DNAAF3: variants seen among roughly 807,000 people sequenced by gnomAD.
The protein encoded by DNAAF3 is UPF0470 protein C19orf51.
In DNAAF3, 40 loss-of-function variants were observed where a neutral mutation model predicts 50.9. The observed-to-expected ratio is 0.79, with a 90% CI of 0.61 to 1.02. The LOEUF (loss-of-function observed/expected upper bound fraction) is 1.02, where lower values mean the gene tolerates loss of function less well. Among genes scored for constraint, DNAAF3 ranks in the 50% least tolerant of loss-of-function variants. DNAAF3 has a pLI of 0.00. For missense variants in DNAAF3, 763 were observed against 744.7 expected (o/e 1.02, Z -0.29); for synonymous variants, 327 against 322.8 (o/e 1.01, Z -0.14).
Position 55,165,865 on chromosome 19 carries a change from C to A in DNAAF3, c.221G>T (p.Arg74Met), listed in dbSNP as rs1210449789. The change falls in exon 3 of 12, where the codon AGG (arginine) becomes ATG (methionine). Residue 74 changes from arginine to methionine, a missense_variant. Physicochemically the swap from Arg to Met is moderately conservative, Grantham distance 91 (BLOSUM62 -1). Transcript: ENST00000524407. Reference protein sequence around the residue: ...LSRAKFWPRRRFNFFVLENNL... With the variant: ...LSRAKFWPRRMFNFFVLENNL... ...ATCTTCATCCCAGCTCACGTTGAAC[C>A]TCCTGCGAGGCCAGAACTTCGCTCG... 6.2e-7 allele frequency: 1 copy of A among 1,614,058 alleles called. No individual in the cohort carries two copies. Among genetic ancestry groups the A allele is most frequent in the Non-Finnish European group, 8.5e-7 (1 of 1,179,996 alleles).
At position 55,159,046 on chromosome 19, in the gene DNAAF3, G is replaced by A; in HGVS notation, c.*16C>T. ...TGACTTTGGAAGTTGGAGATAAGGG[G>A]TGTCTAGGGGTTGGGTCAGACTCCA... On this transcript the variant is annotated 3_prime_UTR_variant, in exon 12 of 12. Coordinates refer to ENST00000524407, the MANE Select transcript of DNAAF3 (RefSeq NM_001256715.2). The A allele has an allele frequency of 2.6e-6, 4 of 1,555,144 alleles. No homozygotes were observed. The highest frequency in any genetic ancestry group is 2.0e-5 in the Admixed American group (1 of 49,962).
rs745788397 is a variant in DNAAF3 at position 55,159,331 on chromosome 19, G to A, written c.1357C>T (p.Arg453Cys). The A allele has an allele frequency of 8.7e-6, 14 of 1,614,148 alleles. No individual in the cohort carries two copies. The highest frequency in any genetic ancestry group is 2.7e-5 in the African/African-American group (2 of 75,048). Residue 453 changes from arginine (R) to cysteine (C), a missense_variant, in exon 12 of 12, where the codon CGT (arginine) becomes TGT (cysteine). Arg to Cys is a radical substitution (Grantham distance 180). Transcript: ENST00000524407. ...TGARPSETFA[R>C]FCKSQESALG... is the part of the protein sequence containing the mutation. ...GCTGATTCCTGGGACTTGCAGAAAC[G>A]TGCGAAGGTCTCTGAAGGCCTGGCC... is the stretch of plus-strand genomic sequence containing the variant.
At position 55,159,972 on chromosome 19, in the gene DNAAF3, G is replaced by A; in HGVS notation, c.1090C>T (p.Leu364Phe). 1 of 1,613,958 alleles carries A rather than the reference G, an allele frequency of 6.2e-7. No individual in the cohort carries two copies. The highest frequency in any genetic ancestry group is 8.5e-7 in the Non-Finnish European group (1 of 1,180,010). ...TGGTGGAGAGTCTGAGCAGAATTGA[G>A]CGGCAGGAAGTGGACGGTGAAAGAT... ...PESFTVHFLP[L>F]NSAQTLHHKS... The change falls in exon 10 of 12, where the codon CTC becomes TTC. Residue 364 changes from leucine to phenylalanine, a missense_variant. Leu to Phe is a conservative substitution (Grantham distance 22). Transcript: ENST00000524407.
Position 55,160,687 on chromosome 19 carries a change from A to C in DNAAF3, c.1001T>G (p.Leu334Arg). ...TCCCTCCGCGTGCTGCTGCTCCTCC[A>C]GGTCCCCCCCGGTGGCTCTCGCGCG... ...WGRARATGGD[L>R]EEQQHAEGSP... is the part of the protein sequence containing the mutation. The change falls in exon 9 of 12, where the codon CTG becomes CGG. Residue 334 changes from leucine to arginine, a missense_variant. Transcript: ENST00000524407. This position sits in a 1 kb window ranked among gnomAD's most constrained non-coding sequence, Gnocchi z 4.7. 6.2e-7 allele frequency: 1 copy of C among 1,613,696 alleles called. No homozygotes were observed. Among genetic ancestry groups the C allele is most frequent in the Non-Finnish European group, 8.5e-7 (1 of 1,179,956 alleles).
rs1443032904 is a variant in DNAAF3 at position 55,160,646 on chromosome 19, T to C, written c.1042A>G (p.Thr348Ala). The change falls in exon 9 of 12, where the codon ACT becomes GCT. Residue 348 changes from threonine (T) to alanine (A), a missense_variant. Coordinates refer to ENST00000524407, the MANE Select transcript of DNAAF3 (RefSeq NM_001256715.2). The surrounding 1 kb of genome is among the most constrained non-coding windows in gnomAD (Gnocchi z 4.7). ...GTTGTTGTCCCTGGCTTACCTGGAG[T>C]CCCTGGCTCCGGGCTTCCCTCCGCG... ...QHAEGSPEPG[T>A]PAAPTPESFT... is the part of the protein sequence containing the mutation. The C allele has an allele frequency of 2.5e-6, 4 of 1,613,506 alleles. No individual in the cohort carries two copies. The highest frequency in any genetic ancestry group is 3.4e-6 in the Non-Finnish European group (4 of 1,179,918).
Position 55,162,378 on chromosome 19 carries a change from C to A in DNAAF3, c.323-88G>T, listed in dbSNP as rs7249414. On this transcript the variant is annotated intron_variant, in intron 4 of 11. Transcript: ENST00000524407. ...TAATATGTTATTATGTCATAGTCAT[C>A]TAATGAAAACAATGAACCCCCGCAA... is the stretch of plus-strand genomic sequence containing the variant. The A allele has an allele frequency of 0.16, 201,204 of 1,221,708 alleles. 20,942 individuals are homozygous for A. The highest frequency in any genetic ancestry group is 0.49 in the African/African-American group (31,528 of 63,916). The allele number at this position is 1,221,708 out of a possible 1,614,324, so 75.7% of individuals were successfully genotyped here. A position where few individuals can be genotyped will look rare whatever the true frequency, so the allele number is the denominator to read the frequency against.
chr19:55,164,617 C>T (rs879899848), intron 4 of DNAAF3, among the ~76,000 whole-genome samples: 10 of 150,968 alleles, frequency 6.6e-5, no homozygotes, highest in Admixed American at 5.9e-4. Flanking sequence ...CTCTGCCTCC[C>T]GGGTTCAAGT....
At chr19:55,164,168 A>G (rs1174459104) in intron 4 of DNAAF3, among the ~76,000 whole-genome samples, 1 of 152,078 alleles carries the variant, frequency 6.6e-6, no homozygotes, top group Non-Finnish European at 1.5e-5. Flanking sequence ...CAGCCTGTGG[A>G]ACTGTGAGTC....
In DNAAF3 at chr19:55,159,884, T is replaced by C. The variant is rs1369172533; in HGVS notation, c.1163+15A>G. 4 of 1,612,254 alleles carry C rather than the reference T, an allele frequency of 2.5e-6. No homozygotes were observed. Among genetic ancestry groups the C allele is most frequent in the Non-Finnish European group, 3.4e-6 (4 of 1,178,654 alleles). On this transcript the variant is annotated intron_variant, in intron 10 of 11. Transcript: ENST00000524407. ...GATCCTGGGTCTTTGTGAGCACAGC[T>C]GCCTCCCCGCTTACCCACAGGCCAC...
At position 55,160,130 on chromosome 19, in the gene DNAAF3, C is replaced by T. The variant is rs1252893995; in HGVS notation, c.1049-117G>A. The T allele has an allele frequency of 7.1e-6, 5 of 708,010 alleles. No homozygotes were observed. In the East Asian group the frequency reaches 1.3e-4, roughly 19 times the overall value. The allele number at this position is 708,010 out of a possible 1,614,324, so 43.9% of individuals were successfully genotyped here. ...AGGCACACAGGACTTGGAGATAACA[C>T]TTTTTGTCCTCTTGCAGCTTTTTAA... On this transcript the variant is annotated intron_variant, in intron 9 of 11. Coordinates refer to ENST00000524407, the MANE Select transcript of DNAAF3 (RefSeq NM_001256715.2). This position sits in a 1 kb window ranked among gnomAD's most constrained non-coding sequence, Gnocchi z 4.7.
In DNAAF3 at chr19:55,160,580, C is replaced by T; in HGVS notation, c.1048+60G>A. 6.2e-7 allele frequency: 1 copy of T among 1,612,858 alleles called. No homozygotes were observed. The highest frequency in any genetic ancestry group is 1.3e-5 in the African/African-American group (1 of 75,042). ...ATTCCAAATCATGTCAGTCCACACT[C>T]CAGTGTGAAACACCTGGAGGCTGGA... On this transcript the variant is annotated intron_variant, in intron 9 of 11. Coordinates refer to ENST00000524407, the MANE Select transcript of DNAAF3 (RefSeq NM_001256715.2). The surrounding 1 kb of genome is among the most constrained non-coding windows in gnomAD (Gnocchi z 4.7).
In DNAAF3 at chr19:55,165,810, T is replaced by C. The variant is rs1190635135; in HGVS notation, c.228+48A>G. The C allele has an allele frequency of 2.5e-6, 4 of 1,594,972 alleles. No homozygotes were observed. The East Asian group carries it at 6.8e-5, about 27-fold the overall frequency. ...AGGTTTTAGAATTTCAATCCCTTCC[T>C]CCCTCAAGGACTCGGGAATCTGGGC... On this transcript the variant is annotated intron_variant, in intron 3 of 11. Transcript: ENST00000524407.
At chr19:55,162,997 CTTTTTTTTTTTTTTTT>C (rs576178532) in intron 4 of DNAAF3, among the ~76,000 whole-genome samples, 3 of 92,208 alleles carry the variant, frequency 3.3e-5, no homozygotes, top group Non-Finnish European at 4.3e-5. Flanking sequence ...TTTTCTTTTT[CTTTTTTTTTTTTTTTT>C]TTTTTTTTTT....
rs537635826 is a variant in DNAAF3 at position 55,165,795 on chromosome 19, A to C, written c.228+63T>G. On this transcript the variant is annotated intron_variant, in intron 3 of 11. Transcript: ENST00000524407. ...TCATTCCTGGACCTGAGGTTTTAGA[A>C]TTTCAATCCCTTCCTCCCTCAAGGA... is the stretch of plus-strand genomic sequence containing the variant. The C allele has an allele frequency of 5.9e-4, 925 of 1,571,352 alleles. 4 individuals carry two copies. Among genetic ancestry groups the C allele is most frequent in the Middle Eastern group, 4.5e-3 (27 of 6,014 alleles).
Position 55,161,162 on chromosome 19 carries a change from C to A in DNAAF3, c.815G>T (p.Gly272Val), listed in dbSNP as rs1179851165. The stretch of plus-strand genomic sequence containing the variant: ...CCCCGTGGCGATGTCCCCCCAGTAC[C>A]CGCGCGCTGCCACGCGCTCCCCACG... ...SYRGERVAAR[G>V]YWGDIATGPF... Residue 272 changes from glycine to valine, a missense_variant, in exon 8 of 12, where the codon GGG (glycine) becomes GTG (valine). Coordinates refer to ENST00000524407, the MANE Select transcript of DNAAF3 (RefSeq NM_001256715.2). This position sits in a 1 kb window ranked among gnomAD's most constrained non-coding sequence, Gnocchi z 6.4. The A allele has an allele frequency of 1.9e-6, 3 of 1,560,472 alleles. No homozygotes were observed. The highest frequency in any genetic ancestry group is 2.6e-6 in the Non-Finnish European group (3 of 1,153,300).
rs562819833 is a variant in DNAAF3, at chr19:55,159,358, C to T, written c.1330G>A (p.Gly444Arg). The part of the protein sequence containing the change: ...AQAAGFAPQT[G>R]ARPSETFARF... ...GCGAAGGTCTCTGAAGGCCTGGCCC[C>T]GGTCTGTGGAGCAAATCCAGCTGCC... Residue 444 changes from glycine (G) to arginine (R), a missense_variant, in exon 12 of 12, where the codon GGG becomes AGG. Coordinates refer to ENST00000524407, the MANE Select transcript of DNAAF3 (RefSeq NM_001256715.2). The T allele has an allele frequency of 9.8e-5, 158 of 1,614,174 alleles. 2 individuals carry two copies. Among genetic ancestry groups the T allele is most frequent in the South Asian group, 6.5e-4 (59 of 91,086 alleles).
rs1248539584 is a variant in DNAAF3, at chr19:55,161,744, G to T, written c.562C>A (p.Arg188Ser). 1 of 1,536,530 alleles carries T rather than the reference G, an allele frequency of 6.5e-7. No individual in the cohort carries two copies. Among genetic ancestry groups the T allele is most frequent in the Non-Finnish European group, 8.7e-7 (1 of 1,144,234 alleles). ...EKGPQAFPMSRLWDSRLRHYL... is the reference protein window; with the variant it reads ...EKGPQAFPMSSLWDSRLRHYL... Reference sequence around the variant, plus strand: ...TGGCGCAGGCGCGAGTCCCAGAGGCGGCTCATGGGGAACGCCTGGGGCCCT... The same window carrying T: ...TGGCGCAGGCGCGAGTCCCAGAGGCTGCTCATGGGGAACGCCTGGGGCCCT... The change falls in exon 6 of 12, where the codon CGC becomes AGC. Residue 188 changes from arginine to serine, a missense_variant. Transcript: ENST00000524407. This position sits in a 1 kb window ranked among gnomAD's most constrained non-coding sequence, Gnocchi z 6.4.
upstream of DNAAF3, chr19:55,166,650 T>A (rs760874956): frequency 1.9e-6 from 3 of 1,612,768 alleles, no homozygotes; most frequent in Non-Finnish European, 2.5e-6. The surrounding 1 kb of genome is among the most constrained non-coding windows in gnomAD (Gnocchi z 4.0). Context: ...TGGAAGCATG[T>A]GGGATGGGAC....
chr19:55,162,997 C>CTTTTTTTTTTTTTTTTTTTTTTTTTTTTT (rs576178532), intron 4 of DNAAF3, among the ~76,000 whole-genome samples: 1 of 92,162 alleles, frequency 1.1e-5, no homozygotes, highest in Non-Finnish European at 2.1e-5. Flanking sequence ...TTTTCTTTTT[C>CTTTTTTTTTTTTTTTTTTTTTTTTTTTTT]TTTTTTTTTT....
Sources: allele counts gnomAD v4.1 joint callset (sites outside exome capture counted in the v4.1 genomes callset), GRCh38; gene constraint gnomAD v4.1.1; non-coding constraint Gnocchi (gnomAD v3.1); transcripts MANE v1.5; gene names NCBI Gene and HGNC (gene_info 2026-07-23, HGNC 2026-07-21).